The following LINGO2 variants were observed in gnomAD, a reference collection of about 807,000 sequenced individuals.
LINGO2 encodes the protein leucine rich repeat and Ig domain containing 2.
A neutral mutation model predicts 30.6 loss-of-function variants in LINGO2; 14 were observed. That is an observed-to-expected ratio of 0.46 (90% CI 0.30 to 0.72). The LOEUF (loss-of-function observed/expected upper bound fraction) is 0.72. LINGO2 is among the 30% of genes least tolerant of loss of function. The probability of loss-of-function intolerance (pLI) is 0.07; values close to 1 mark genes in which losing one functional copy is unlikely to be tolerated. For synonymous variants in LINGO2, 317 were observed against 288.5 expected (o/e 1.10, Z -1.00); for missense variants, 729 against 751.7 (o/e 0.97, Z 0.35).
the LINGO2 span, among the ~76,000 whole-genome samples, chr9:29,105,652 T>C: frequency 6.6e-6 from 1 of 152,184 alleles, no homozygotes; most frequent in African/African-American, 2.4e-5. Context: ...GAGCTAAATA[T>C]AGAGAGGTGA....
At chr9:28,186,919 C>G (rs951732488) in intron 4 of LINGO2, among the ~76,000 whole-genome samples, 2 of 151,982 alleles carry the variant, frequency 1.3e-5, no homozygotes, top group Non-Finnish European at 2.9e-5. Flanking sequence ...TTTACTTTGC[C>G]TTTTACTTGG....
rs138062675 is a variant in LINGO2, at chr9:28,529,836, G to T, written c.-364-53811C>A. On this transcript the variant is annotated intron_variant, in intron 1 of 5. Coordinates refer to ENST00000379992, the Ensembl canonical transcript of LINGO2. ...AGTATATGATGAAGTGAAACAGCAG[G>T]AAAGTGTGAAAAGAGCTCTAAATTT... Among the ~76,000 whole-genome samples, 29 of 152,080 alleles carry T rather than the reference G, an allele frequency of 1.9e-4. No homozygotes were observed. In the East Asian group the frequency reaches 5.2e-3, roughly 27 times the overall value.
At chr9:28,078,999 A>G (rs754785254) in intron 4 of LINGO2, among the ~76,000 whole-genome samples, 9 of 148,820 alleles carry the variant, frequency 6.0e-5, no homozygotes, top group Admixed American at 2.0e-4. Flanking sequence ...AACTGGTGGT[A>G]CCCAAAGAGA....
chr9:29,100,627 G>T, the LINGO2 span, among the ~76,000 whole-genome samples: 1 of 151,202 alleles, frequency 6.6e-6, no homozygotes, highest in Non-Finnish European at 1.5e-5. Context: ...TAGTTAAAAA[G>T]AATAAATGAG....
the LINGO2 span, among the ~76,000 whole-genome samples, chr9:29,085,281 TAAAA>T: frequency 3.8e-4 from 29 of 77,032 alleles, no homozygotes; most frequent in African/African-American, 1.3e-3. Context: ...CTATGGTAAG[TAAAA>T]AAAAAAAAAA....
chr9:28,054,457 T>C (rs1282575532), intron 4 of LINGO2, among the ~76,000 whole-genome samples: 1 of 152,156 alleles, frequency 6.6e-6, no homozygotes, highest in Non-Finnish European at 1.5e-5. Flanking sequence ...CTGACATATA[T>C]ACACACAATT....
At chr9:28,739,931 T>C in the LINGO2 span, among the ~76,000 whole-genome samples, 1 of 137,310 alleles carries the variant, frequency 7.3e-6, no homozygotes, top group Non-Finnish European at 1.6e-5. Context: ...TACATATATA[T>C]ATGTGTGTAT....
chr9:29,175,196 T>C, the LINGO2 span, among the ~76,000 whole-genome samples: 1 of 151,942 alleles, frequency 6.6e-6, no homozygotes, highest in African/African-American at 2.4e-5. Context: ...GAGGTGGAGG[T>C]TGCAGTGAGC....
the LINGO2 span, among the ~76,000 whole-genome samples, chr9:28,969,942 A>C: frequency 6.6e-6 from 1 of 152,346 alleles, no homozygotes; most frequent in Admixed American, 6.5e-5. Context: ...GTAGGCAGTT[A>C]CATCTAGAAA....
the LINGO2 span, among the ~76,000 whole-genome samples, chr9:28,824,555 C>A: frequency 1.3e-5 from 2 of 152,058 alleles, no homozygotes; most frequent in Admixed American, 1.3e-4. Context: ...TCAGAAAACT[C>A]TGATTTATTA....
At chr9:29,154,661 T>C in the LINGO2 span, among the ~76,000 whole-genome samples, 1 of 152,158 alleles carries the variant, frequency 6.6e-6, no homozygotes, top group Non-Finnish European at 1.5e-5. Context: ...ACTTTGTTAG[T>C]AAATATTTTA....
the LINGO2 span, among the ~76,000 whole-genome samples, chr9:28,784,773 G>T: frequency 4.6e-5 from 7 of 152,076 alleles, no homozygotes; most frequent in African/African-American, 1.7e-4. Context: ...CCAACATGGT[G>T]AAACCCCGTC....
At chr9:28,635,336 A>C (rs1046688779) in intron 1 of LINGO2, among the ~76,000 whole-genome samples, 2 of 152,200 alleles carry the variant, frequency 1.3e-5, no homozygotes, top group African/African-American at 4.8e-5. Flanking sequence ...TGTGATATTA[A>C]GAAGTTGCCC....
the LINGO2 span, among the ~76,000 whole-genome samples, chr9:28,794,298 C>T: frequency 6.6e-6 from 1 of 152,114 alleles, no homozygotes; most frequent in East Asian, 1.9e-4. Context: ...AGTCAGACTC[C>T]GTCTCAAAAC....
intron 1 of LINGO2, among the ~76,000 whole-genome samples, chr9:28,566,646 G>T (rs940066807): frequency 6.6e-6 from 1 of 152,088 alleles, no homozygotes; most frequent in Non-Finnish European, 1.5e-5. Flanking sequence ...CCTGCAAGGG[G>T]TGCAATTCAA....
chr9:28,366,390 A>G (rs565695017), intron 3 of LINGO2, among the ~76,000 whole-genome samples: 15 of 152,334 alleles, frequency 9.8e-5, no homozygotes, highest in East Asian at 3.9e-4. Flanking sequence ...CATGTTTTAC[A>G]ATAATGTTCC....
intron 4 of LINGO2, among the ~76,000 whole-genome samples, chr9:28,086,308 T>C (rs558915515): frequency 1.1e-4 from 16 of 152,186 alleles, no homozygotes; most frequent in Admixed American, 3.3e-4. Context: ...ATTTAAAAAA[T>C]GATACAACTC....
chr9:28,749,140 T>C, the LINGO2 span, among the ~76,000 whole-genome samples: 1 of 152,038 alleles, frequency 6.6e-6, no homozygotes, highest in Non-Finnish European at 1.5e-5. Flanking sequence ...GAGCTTTATT[T>C]CTCACTCTCT....
At chr9:28,809,678 G>A in the LINGO2 span, among the ~76,000 whole-genome samples, 2 of 151,268 alleles carry the variant, frequency 1.3e-5, no homozygotes, top group Admixed American at 6.6e-5. Flanking sequence ...CCCGGGAGGC[G>A]GAGGTTGCAG....
Sources: gnomAD v4.1 joint callset for allele counts (sites outside exome capture counted in the v4.1 genomes callset) on GRCh38, gnomAD v4.1.1 for gene constraint, MANE v1.5 for transcripts, NCBI Gene and HGNC (gene_info 2026-07-23, HGNC 2026-07-21) for gene names.